MOCS3: variants seen among roughly 807,000 people sequenced by gnomAD.
The protein encoded by MOCS3 is adenylyltransferase and sulfurtransferase MOCS3.
In MOCS3, 9 loss-of-function variants were observed where a neutral mutation model predicts 8.4. That is an observed-to-expected ratio of 1.07 (90% CI 0.65 to 1.87). The LOEUF is 1.87. Ranked by LOEUF, MOCS3 falls within the 40% of genes most tolerant of loss-of-function variation. The pLI, the probability that MOCS3 is intolerant of heterozygous loss-of-function variation, is 0.00. For synonymous variants in MOCS3, 294 were observed against 272.0 expected (o/e 1.08, Z -0.80); for missense variants, 581 against 599.7 (o/e 0.97, Z 0.33).
Position 50,958,823 on chromosome 20 carries a change from A to C in MOCS3, c.-20A>C. 2.9e-5 allele frequency: 45 copies of C among 1,568,350 alleles called. No individual in the cohort carries two copies. The highest frequency in any genetic ancestry group is 3.9e-5 in the Non-Finnish European group (45 of 1,154,272). ...CGGAAGCGGAAATGCCTTTCACGAC[A>C]ACTTCCGGAAGAGGTCGCCATGGCT... is the stretch of plus-strand genomic sequence containing the variant. On this transcript the variant is annotated 5_prime_UTR_variant, in exon 1 of 1. Coordinates refer to ENST00000244051, the MANE Select transcript of MOCS3 (RefSeq NM_014484.5).
At position 50,959,976 on chromosome 20, in the gene MOCS3, G is replaced by A; in HGVS notation, c.1134G>A (p.Leu378=). ...CCCTACACATCCCTCTGAAACATTTGGAACGCAGGGATGCGGAGAGCCTGA... is the reference window on the plus strand; with the variant it reads ...CCCTACACATCCCTCTGAAACATTTAGAACGCAGGGATGCGGAGAGCCTGA... ...PHALHIPLKH[L]ERRDAESLKL... The change falls in exon 1 of 1, where the codon TTG becomes TTA. Residue 378 remains leucine, a synonymous_variant. Transcript: ENST00000244051. 1.2e-6 allele frequency: 2 copies of A among 1,614,252 alleles called. No homozygotes were observed. Among genetic ancestry groups the A allele is most frequent in the Non-Finnish European group, 1.7e-6 (2 of 1,180,048 alleles).
At position 50,959,750 on chromosome 20, in the gene MOCS3, G is replaced by A; in HGVS notation, c.908G>A (p.Arg303Gln). ...RRLDCAACGE[R>Q]PTVTDLLDYE... The stretch of plus-strand genomic sequence containing the variant: ...CTCGACTGTGCAGCTTGCGGGGAAC[G>A]GCCCACTGTGACTGATCTGCTGGAC... Residue 303 changes from arginine (R) to glutamine (Q), a missense_variant, in exon 1 of 1, where the codon CGG (arginine) becomes CAG (glutamine). Transcript: ENST00000244051. 7 of 1,614,260 alleles carry A rather than the reference G, an allele frequency of 4.3e-6. No homozygotes were observed. The highest frequency in any genetic ancestry group is 5.9e-6 in the Non-Finnish European group (7 of 1,180,040).
At position 50,959,670 on chromosome 20, in the gene MOCS3, G is replaced by A; in HGVS notation, c.828G>A (p.Leu276=). The change falls in exon 1 of 1, where the codon TTG becomes TTA. Residue 276 remains leucine (L), a synonymous_variant. Transcript: ENST00000244051. The part of the protein sequence containing the change: ...GLGPSYSGSL[L]LFDALRGHFR... ...GCCCCTCTTACAGTGGCAGCTTGTT[G>A]CTCTTTGATGCCCTGAGAGGGCATT... is the stretch of plus-strand genomic sequence containing the variant. 1 of 1,614,250 alleles carries A rather than the reference G, an allele frequency of 6.2e-7. No homozygotes were observed. Among genetic ancestry groups the A allele is most frequent in the Non-Finnish European group, 8.5e-7 (1 of 1,180,042 alleles).
In MOCS3 at chr20:50,961,986, T is replaced by C. The variant is rs1009366864; in HGVS notation, c.*1761T>C. 1.3e-5 allele frequency: 2 copies of C among 152,240 alleles called. No individual in the cohort carries two copies. Among genetic ancestry groups the C allele is most frequent in the African/African-American group, 4.8e-5 (2 of 41,454 alleles). The allele number at this position is 152,240 out of a possible 1,614,324, so 9.4% of individuals were successfully genotyped here. ...TCTAAAGACTGAAGTCCTAAAGTTA[T>C]AGACAGTTGTAGTTCCTATAAACCT... On this transcript the variant is annotated 3_prime_UTR_variant, in exon 1 of 1. Transcript: ENST00000244051.
rs142840508 is a variant in MOCS3, at chr20:50,959,970, A to C, written c.1128A>C (p.Lys376Asn). The change falls in exon 1 of 1, where the codon AAA (lysine) becomes AAC (asparagine). Residue 376 changes from lysine to asparagine, a missense_variant. By Grantham distance (94) the Lys-to-Asn change is moderately conservative. Coordinates refer to ENST00000244051, the MANE Select transcript of MOCS3 (RefSeq NM_014484.5). ...RLPHALHIPL[K>N]HLERRDAESL... Reference sequence around the variant, plus strand: ...CTCATGCCCTACACATCCCTCTGAAACATTTGGAACGCAGGGATGCGGAGA... The same window carrying C: ...CTCATGCCCTACACATCCCTCTGAACCATTTGGAACGCAGGGATGCGGAGA... The C allele has an allele frequency of 8.6e-4, 1,389 of 1,614,256 alleles. 15 individuals carry two copies. In the African/African-American group the frequency reaches 0.016, roughly 18 times the overall value.
rs1987120356 is a variant in MOCS3, at chr20:50,962,389, A to T, written c.*2164A>T. ...AATTACATGCCTACATCTTAGCTGC[A>T]AGAGAGGCTGGGAATTTGTGTTTTG... On this transcript the variant is annotated 3_prime_UTR_variant, in exon 1 of 1. Transcript: ENST00000244051. 6.6e-6 allele frequency: 1 copy of T among 152,244 alleles called. No individual in the cohort carries two copies. Among genetic ancestry groups the T allele is most frequent in the South Asian group, 2.1e-4 (1 of 4,832 alleles). The allele number at this position is 152,244 out of a possible 1,614,324, so 9.4% of individuals were successfully genotyped here.
chr20:50,959,464 T>A lies in MOCS3; in HGVS notation c.622T>A (p.Phe208Ile). 1 of 1,614,034 alleles carries A rather than the reference T, an allele frequency of 6.2e-7. No homozygotes were observed. Among genetic ancestry groups the A allele is most frequent in the Non-Finnish European group, 8.5e-7 (1 of 1,180,036 alleles). Residue 208 changes from phenylalanine to isoleucine, a missense_variant, in exon 1 of 1, where the codon TTC (phenylalanine) becomes ATC (isoleucine). Transcript: ENST00000244051. ...RPLVSASALR[F>I]EGQITVYHYD... ...CCTCGTGTCTGCCAGTGCCTTGCGC[T>A]TCGAGGGCCAAATCACAGTCTACCA... is the stretch of plus-strand genomic sequence containing the variant.
Position 50,963,815 on chromosome 20 carries a change from A to C in MOCS3, c.*3590A>C, listed in dbSNP as rs1987146404. ...CTAAGTGTCATGCTATACTGACTCT[A>C]AGCAAAACTTTGCCATTGCTTCATA... On this transcript the variant is annotated 3_prime_UTR_variant, in exon 1 of 1. Coordinates refer to ENST00000244051, the MANE Select transcript of MOCS3 (RefSeq NM_014484.5). The C allele has an allele frequency of 6.6e-6, 1 of 152,252 alleles. No homozygotes were observed. The allele number at this position is 152,252 out of a possible 1,614,324, so 9.4% of individuals were successfully genotyped here. A position where few individuals can be genotyped will look rare whatever the true frequency, so the allele number is the denominator to read the frequency against.
In MOCS3 at chr20:50,960,382, T is replaced by G; in HGVS notation, c.*157T>G. The G allele has an allele frequency of 4.1e-6, 3 of 735,778 alleles. No homozygotes were observed. The highest frequency in any genetic ancestry group is 6.4e-6 in the Non-Finnish European group (3 of 468,918). The allele number at this position is 735,778 out of a possible 1,614,324, so 45.6% of individuals were successfully genotyped here. ...TTATAAGGAGTTTTAAAAATTGTTA[T>G]GTATTGGATGAATGACTTATTAATG... On this transcript the variant is annotated 3_prime_UTR_variant, in exon 1 of 1. Coordinates refer to ENST00000244051, the MANE Select transcript of MOCS3 (RefSeq NM_014484.5).
Position 50,960,331 on chromosome 20 carries a change from G to A in MOCS3, c.*106G>A. 8.2e-6 allele frequency: 10 copies of A among 1,216,988 alleles called. No individual in the cohort carries two copies. Among genetic ancestry groups the A allele is most frequent in the Non-Finnish European group, 1.0e-5 (9 of 890,400 alleles). 75.4% of individuals were successfully genotyped at this position (1,216,988 alleles called of 1,614,324 possible). A position where few individuals can be genotyped will look rare whatever the true frequency, so the allele number is the denominator to read the frequency against. On this transcript the variant is annotated 3_prime_UTR_variant, in exon 1 of 1. Coordinates refer to ENST00000244051, the MANE Select transcript of MOCS3 (RefSeq NM_014484.5). ...ATACATAGGAGCTGGGGATTCTACA[G>A]TATCTGTGAATACGTGGACTCCTTT... is the stretch of plus-strand genomic sequence containing the variant.
Position 50,963,465 on chromosome 20 carries a change from G to A in MOCS3, c.*3240G>A, listed in dbSNP as rs555511253. ...CTTAATTATGGAAGGCCTCAGAGAT[G>A]ACATTAAACCCAAAACCTGAAAGGT... is the stretch of plus-strand genomic sequence containing the variant. On this transcript the variant is annotated 3_prime_UTR_variant, in exon 1 of 1. Coordinates refer to ENST00000244051, the MANE Select transcript of MOCS3 (RefSeq NM_014484.5). 1 of 152,126 alleles carries A rather than the reference G, an allele frequency of 6.6e-6. No individual in the cohort carries two copies. Among genetic ancestry groups the A allele is most frequent in the Non-Finnish European group, 1.5e-5 (1 of 68,034 alleles). 9.4% of individuals were successfully genotyped at this position (152,126 alleles called of 1,614,324 possible).
Position 50,960,337 on chromosome 20 carries a change from G to C in MOCS3, c.*112G>C. 9.0e-7 allele frequency: 1 copy of C among 1,105,944 alleles called. No individual in the cohort carries two copies. Among genetic ancestry groups the C allele is most frequent in the Non-Finnish European group, 1.3e-6 (1 of 792,742 alleles). The allele number at this position is 1,105,944 out of a possible 1,614,324, so 68.5% of individuals were successfully genotyped here. ...AGGAGCTGGGGATTCTACAGTATCT[G>C]TGAATACGTGGACTCCTTTTTATAA... is the stretch of plus-strand genomic sequence containing the variant. On this transcript the variant is annotated 3_prime_UTR_variant, in exon 1 of 1. Coordinates refer to ENST00000244051, the MANE Select transcript of MOCS3 (RefSeq NM_014484.5).
rs1277063205 is a variant in MOCS3 at position 50,959,415 on chromosome 20, C to A, written c.573C>A (p.Asp191Glu). Residue 191 changes from aspartate to glutamate, a missense_variant, in exon 1 of 1, where the codon GAC becomes GAA. Coordinates refer to ENST00000244051, the MANE Select transcript of MOCS3 (RefSeq NM_014484.5). The stretch of plus-strand genomic sequence containing the variant: ...TGCCCACTCGCTACCTGGTTAATGA[C>A]GCATGTGTGCTGGCGGGTCGGCCCC... ...DNVPTRYLVN[D>E]ACVLAGRPLV... 6.2e-6 allele frequency: 10 copies of A among 1,613,838 alleles called. No individual in the cohort carries two copies. The Admixed American group carries it at 1.5e-4, about 24-fold the overall frequency.
chr20:50,959,027 G>T lies in MOCS3; in HGVS notation c.185G>T (p.Arg62Leu), dbSNP rs1401861938. 5 of 1,612,376 alleles carry T rather than the reference G, an allele frequency of 3.1e-6. No homozygotes were observed. The highest frequency in any genetic ancestry group is 2.7e-5 in the African/African-American group (2 of 74,924). The change falls in exon 1 of 1, where the codon CGC becomes CTC. Residue 62 changes from arginine to leucine, a missense_variant. Physicochemically the swap from Arg to Leu is moderately radical, Grantham distance 102. Coordinates refer to ENST00000244051, the MANE Select transcript of MOCS3 (RefSeq NM_014484.5). ...GCTCTGTCCCGAGATGAGATTCTGC[G>T]CTATAGCCGGCAGCTAGTGCTGCCC... The part of the protein sequence containing the change: ...KAALSRDEIL[R>L]YSRQLVLPEL...
In MOCS3 at chr20:50,958,846, G is replaced by A; in HGVS notation, c.4G>A (p.Ala2Thr). Residue 2 changes from alanine (A) to threonine (T), a missense_variant, in exon 1 of 1, where the codon GCT becomes ACT. Transcript: ENST00000244051. ...ACAACTTCCGGAAGAGGTCGCCATG[G>A]CTTCCCGGGAGGAGGTACTCGCCTT... Reference protein sequence around the residue: MASREEVLALQA... With the variant: MTSREEVLALQA... 1 of 1,586,006 alleles carries A rather than the reference G, an allele frequency of 6.3e-7. No homozygotes were observed. Among genetic ancestry groups the A allele is most frequent in the South Asian group, 1.1e-5 (1 of 89,832 alleles).
At position 50,962,521 on chromosome 20, in the gene MOCS3, C is replaced by T. The variant is rs966195853; in HGVS notation, c.*2296C>T. 1 of 152,170 alleles carries T rather than the reference C, an allele frequency of 6.6e-6. No individual in the cohort carries two copies. The highest frequency in any genetic ancestry group is 1.9e-4 in the East Asian group (1 of 5,200). The allele number at this position is 152,170 out of a possible 1,614,324, so 9.4% of individuals were successfully genotyped here. A position where few individuals can be genotyped will look rare whatever the true frequency, so the allele number is the denominator to read the frequency against. ...AATATAACAGATACCCAGTACACAACCCAGATCTATTTCAGTATTTGTTTT... is the reference window on the plus strand; with the variant it reads ...AATATAACAGATACCCAGTACACAATCCAGATCTATTTCAGTATTTGTTTT... On this transcript the variant is annotated 3_prime_UTR_variant, in exon 1 of 1. Coordinates refer to ENST00000244051, the MANE Select transcript of MOCS3 (RefSeq NM_014484.5).
At position 50,960,407 on chromosome 20, in the gene MOCS3, G is replaced by A. The variant is rs1987078300; in HGVS notation, c.*182G>A. 3.5e-6 allele frequency: 2 copies of A among 570,024 alleles called. No homozygotes were observed. The highest frequency in any genetic ancestry group is 1.9e-5 in the African/African-American group (1 of 52,402). 35.3% of individuals were successfully genotyped at this position (570,024 alleles called of 1,614,324 possible). On this transcript the variant is annotated 3_prime_UTR_variant, in exon 1 of 1. Transcript: ENST00000244051. ...TGTATTGGATGAATGACTTATTAAT[G>A]GATTATACCGTTTCTGAGAACCATC... is the stretch of plus-strand genomic sequence containing the variant.
In MOCS3 at chr20:50,963,257, A is replaced by G. The variant is rs1308994864; in HGVS notation, c.*3032A>G. On this transcript the variant is annotated 3_prime_UTR_variant, in exon 1 of 1. Coordinates refer to ENST00000244051, the MANE Select transcript of MOCS3 (RefSeq NM_014484.5). ...TTGATTTTTTTGTTGTTTCCTTTTC[A>G]TAACAAACATCAAATGCCTTCAGTG... The G allele has an allele frequency of 1.3e-5, 2 of 152,176 alleles. No homozygotes were observed. Among genetic ancestry groups the G allele is most frequent in the Non-Finnish European group, 2.9e-5 (2 of 68,040 alleles). 9.4% of individuals were successfully genotyped at this position (152,176 alleles called of 1,614,324 possible). A position where few individuals can be genotyped will look rare whatever the true frequency, so the allele number is the denominator to read the frequency against.
rs776704594 is a variant in MOCS3 at position 50,959,945 on chromosome 20, C to A, written c.1103C>A (p.Pro368His). ...GTGGAGGTGGACATTTGTCGTTTGC[C>A]TCATGCCCTACACATCCCTCTGAAA... ...PQVEVDICRLPHALHIPLKHL... is the reference protein window; with the variant it reads ...PQVEVDICRLHHALHIPLKHL... The change falls in exon 1 of 1, where the codon CCT becomes CAT. Residue 368 changes from proline to histidine, a missense_variant. Coordinates refer to ENST00000244051, the MANE Select transcript of MOCS3 (RefSeq NM_014484.5). 6.2e-7 allele frequency: 1 copy of A among 1,614,256 alleles called. No individual in the cohort carries two copies. The highest frequency in any genetic ancestry group is 1.3e-5 in the African/African-American group (1 of 75,066).
Sources: allele counts gnomAD v4.1 joint callset, GRCh38; gene constraint gnomAD v4.1.1; transcripts MANE v1.5; gene names NCBI Gene and HGNC (gene_info 2026-07-23, HGNC 2026-07-21).